Variants in AJAP1 observed in about 807,000 individuals in gnomAD.
The protein encoded by AJAP1 is adherens junction-associated protein 1.
In AJAP1, 5 loss-of-function variants were observed where a neutral mutation model predicts 35.0. The observed-to-expected ratio is 0.14, with a 90% CI of 0.07 to 0.30. The LOEUF (loss-of-function observed/expected upper bound fraction) is 0.30, where lower values mean the gene tolerates loss of function less well. AJAP1 is among the 10% of genes least tolerant of loss of function. The pLI, the probability that AJAP1 is intolerant of heterozygous loss-of-function variation, is 1.00. For missense variants in AJAP1, 586 were observed against 571.0 expected, an observed-to-expected ratio of 1.03 and a Z score of -0.27; for synonymous variants, 284 against 249.3, an observed-to-expected ratio of 1.14 and a Z score of -1.31.
Position 4,791,304 on chromosome 1 carries a change from T to C in AJAP1, c.*8819T>C, listed in dbSNP as rs1158093645. On this transcript the variant is annotated 3_prime_UTR_variant, in exon 6 of 6. Coordinates refer to ENST00000378191, the MANE Select transcript of AJAP1 (RefSeq NM_018836.4). Reference sequence around the variant, plus strand: ...AATGAAGCTTGAGGCCATGCATTGATAACATTTTTAGAGTCTGTTACATTA... The same window carrying C: ...AATGAAGCTTGAGGCCATGCATTGACAACATTTTTAGAGTCTGTTACATTA... 1 of 152,232 alleles carries C rather than the reference T, an allele frequency of 6.6e-6. No homozygotes were observed. Among genetic ancestry groups the C allele is most frequent in the Non-Finnish European group, 1.5e-5 (1 of 68,042 alleles). The allele number at this position is 152,232 out of a possible 1,614,324, so 9.4% of individuals were successfully genotyped here.
At chr1:4,746,404 G>A (rs1369763257) in intron 2 of AJAP1, among the ~76,000 whole-genome samples, 2 of 152,174 alleles carry the variant, frequency 1.3e-5, no homozygotes, top group Admixed American at 6.5e-5. Flanking sequence ...GAGCCAGGAT[G>A]TGGCCATATC....
At chr1:4,711,667 G>C (rs1640239208) in intron 1 of AJAP1, among the ~76,000 whole-genome samples, 1 of 152,208 alleles carries the variant, frequency 6.6e-6, no homozygotes, top group African/African-American at 2.4e-5. Flanking sequence ...CAGCCCCGCG[G>C]TGCCGGGAAG....
Position 4,789,038 on chromosome 1 carries a change from C to T in AJAP1, c.*6553C>T, listed in dbSNP as rs969795122. On this transcript the variant is annotated 3_prime_UTR_variant, in exon 6 of 6. Transcript: ENST00000378191. This position sits in a 1 kb window ranked among gnomAD's most constrained non-coding sequence, Gnocchi z 4.4. ...TCCCTGCTAAATGTTCTAAGAGTTA[C>T]TGTACATAGAATCAAGAGAGCAGTT... is the stretch of plus-strand genomic sequence containing the variant. The T allele has an allele frequency of 1.3e-5, 2 of 152,188 alleles. No homozygotes were observed. Among genetic ancestry groups the T allele is most frequent in the African/African-American group, 4.8e-5 (2 of 41,444 alleles). 9.4% of individuals were successfully genotyped at this position (152,188 alleles called of 1,614,324 possible).
intron 1 of AJAP1, among the ~76,000 whole-genome samples, chr1:4,669,704 T>C (rs1217580826): frequency 6.6e-6 from 1 of 152,222 alleles, no homozygotes; most frequent in Non-Finnish European, 1.5e-5. Context: ...TCACTTAGCA[T>C]AATGTTTTTT....
Position 4,723,155 on chromosome 1 carries a change from C to A in AJAP1, c.829+10456C>A, listed in dbSNP as rs998715216. Among the ~76,000 whole-genome samples, 1 of 152,090 alleles carries A rather than the reference C, an allele frequency of 6.6e-6. No individual in the cohort carries two copies. Among genetic ancestry groups the A allele is most frequent in the Admixed American group, 6.6e-5 (1 of 15,262 alleles). The stretch of plus-strand genomic sequence containing the variant: ...TCTAGAGGGTCCCTGAGGTTTTAGT[C>A]TGAGCAACTCTTTCTTCAGCTGAAA... On this transcript the variant is annotated intron_variant, in intron 2 of 5. Coordinates refer to ENST00000378191, the MANE Select transcript of AJAP1 (RefSeq NM_018836.4). The surrounding 1 kb of genome is among the most constrained non-coding windows in gnomAD (Gnocchi z 4.3).
At chr1:4,658,344 T>C (rs1186228736) in intron 1 of AJAP1, among the ~76,000 whole-genome samples, 1 of 152,192 alleles carries the variant, frequency 6.6e-6, no homozygotes, top group Non-Finnish European at 1.5e-5. Flanking sequence ...CCAAGCCCTC[T>C]CAGTGCGCGC....
intron 2 of AJAP1, among the ~76,000 whole-genome samples, chr1:4,742,453 C>T (rs448741): frequency 0.43 from 64,629 of 151,866 alleles, 14,328 homozygotes; most frequent in Middle Eastern, 0.55. Context: ...GGCTGGGAAA[C>T]TGTTCCCAAT....
At position 4,655,509 on chromosome 1, in the gene AJAP1, C is replaced by T. The variant is rs1638858566; in HGVS notation, c.29+55C>T. The T allele has an allele frequency of 1.4e-5, 22 of 1,542,274 alleles. No individual in the cohort carries two copies. Among genetic ancestry groups the T allele is most frequent in the East Asian group, 2.6e-5 (1 of 38,588 alleles). ...GTGGGCGCGTGGGTGCCAGGCTGGG[C>T]GGAAGCGGCGCTTTCCTCTATGTTG... On this transcript the variant is annotated intron_variant, in intron 1 of 5. Transcript: ENST00000378191. The surrounding 1 kb of genome is among the most constrained non-coding windows in gnomAD (Gnocchi z 6.9).
intron 2 of AJAP1, among the ~76,000 whole-genome samples, chr1:4,737,515 C>T (rs996824953): frequency 1.3e-5 from 2 of 151,754 alleles, no homozygotes; most frequent in African/African-American, 2.4e-5. Flanking sequence ...CCGAGATCTG[C>T]GAGCTCATCC....
Position 4,723,460 on chromosome 1 carries a change from C to A in AJAP1, c.829+10761C>A, listed in dbSNP as rs377430353. Among the ~76,000 whole-genome samples the A allele has an allele frequency of 3.2e-4, 48 of 152,074 alleles. 1 individual carries two copies. In the South Asian group the frequency reaches 9.0e-3, roughly 28 times the overall value. On this transcript the variant is annotated intron_variant, in intron 2 of 5. Coordinates refer to ENST00000378191, the MANE Select transcript of AJAP1 (RefSeq NM_018836.4). The surrounding 1 kb of genome is among the most constrained non-coding windows in gnomAD (Gnocchi z 4.3). ...ACTGCAAGAGGGGAGAATGAAGGGG[C>A]AATTGGGGGTGATAAGGAAGAGCCC...
intron 2 of AJAP1, among the ~76,000 whole-genome samples, chr1:4,744,746 G>GAAAC (rs1355425158): frequency 2.0e-4 from 30 of 152,010 alleles, no homozygotes; most frequent in African/African-American, 6.8e-4. Flanking sequence ...ATGCAGACAC[G>GAAAC]AAACACAGGC....
At chr1:4,774,706 C>A in intron 5 of AJAP1, 148 bp downstream of exon 5, 1 of 556,490 alleles carries the variant, frequency 1.8e-6, no homozygotes, top group South Asian at 2.1e-5. Flanking sequence ...CATGAGCCGG[C>A]GGGGGGGGCT....
rs567689577 is a variant in AJAP1, at chr1:4,789,523, A to G, written c.*7038A>G. 1 of 152,324 alleles carries G rather than the reference A, an allele frequency of 6.6e-6. No individual in the cohort carries two copies. The highest frequency in any genetic ancestry group is 2.1e-4 in the South Asian group (1 of 4,824). The allele number at this position is 152,324 out of a possible 1,614,324, so 9.4% of individuals were successfully genotyped here. A position where few individuals can be genotyped will look rare whatever the true frequency, so the allele number is the denominator to read the frequency against. On this transcript the variant is annotated 3_prime_UTR_variant, in exon 6 of 6. Transcript: ENST00000378191. The surrounding 1 kb of genome is among the most constrained non-coding windows in gnomAD (Gnocchi z 4.4). The stretch of plus-strand genomic sequence containing the variant: ...ACCCGGGTTTTCATTTTGTAATTCA[A>G]CACCCAAATATTTGCAACACTAAAT...
chr1:4,708,912 A>T (rs997217421), intron 1 of AJAP1, among the ~76,000 whole-genome samples: 2 of 152,008 alleles, frequency 1.3e-5, no homozygotes, highest in African/African-American at 4.8e-5. Context: ...CAAATCAATC[A>T]CTTTAAAAAG....
chr1:4,706,279 G>A (rs1347576708), intron 1 of AJAP1, among the ~76,000 whole-genome samples: 9 of 152,264 alleles, frequency 5.9e-5, no homozygotes, highest in South Asian at 2.1e-4. Flanking sequence ...TGTTTCTAGC[G>A]GTGCCCTGTG....
intron 2 of AJAP1, among the ~76,000 whole-genome samples, chr1:4,744,826 A>G (rs74641764): frequency 0.072 from 10,901 of 152,218 alleles, 483 homozygotes; most frequent in Middle Eastern, 0.11. Context: ...CAGGCCAGAC[A>G]TGATTTGCCC....
At chr1:4,781,281 G>A (rs981942146) in intron 5 of AJAP1, among the ~76,000 whole-genome samples, 5 of 152,266 alleles carry the variant, frequency 3.3e-5, no homozygotes, top group Non-Finnish European at 4.4e-5. Context: ...AGAGAAAGCC[G>A]CACCCTTGTC....
chr1:4,792,180 C>T lies in AJAP1; in HGVS notation c.*9695C>T, dbSNP rs1259476124. 1 of 152,064 alleles carries T rather than the reference C, an allele frequency of 6.6e-6. No individual in the cohort carries two copies. The highest frequency in any genetic ancestry group is 6.6e-5 in the Admixed American group (1 of 15,266). The allele number at this position is 152,064 out of a possible 1,614,324, so 9.4% of individuals were successfully genotyped here. A position where few individuals can be genotyped will look rare whatever the true frequency, so the allele number is the denominator to read the frequency against. ...ACAAAAGCCTCTCTGTTTTCATGTT[C>T]TCCGTATATCTATACCACAGCTGTC... On this transcript the variant is annotated 3_prime_UTR_variant, in exon 6 of 6. Transcript: ENST00000378191.
chr1:4,752,339 G>T (rs978262842), intron 2 of AJAP1, among the ~76,000 whole-genome samples: 1 of 152,104 alleles, frequency 6.6e-6, no homozygotes, highest in Non-Finnish European at 1.5e-5. Flanking sequence ...GTAGACAAGA[G>T]AATGCAGAAG....
Sources: allele counts gnomAD v4.1 joint callset (sites outside exome capture counted in the v4.1 genomes callset), GRCh38; gene constraint gnomAD v4.1.1; non-coding constraint Gnocchi (gnomAD v3.1); transcripts MANE v1.5; gene names NCBI Gene and HGNC (gene_info 2026-07-23, HGNC 2026-07-21).